Variants in CERS6 observed in about 807,000 individuals in gnomAD.
CERS6 encodes the protein LAG1 homolog, ceramide synthase 6.
In CERS6, 26 loss-of-function variants were observed where a neutral mutation model predicts 56.8. That is an observed-to-expected ratio of 0.46 (90% CI 0.34 to 0.63). CERS6 has a LOEUF of 0.63. Ranked by LOEUF, CERS6 falls within the 30% of genes least tolerant of loss-of-function variation. The pLI is 0.01. For missense variants in CERS6, 415 were observed against 467.5 expected (o/e 0.89, Z 1.04); for synonymous variants, 164 against 173.3 (o/e 0.95, Z 0.42).
intron 4 of CERS6, among the ~76,000 whole-genome samples, chr2:168,645,109 AAAAAAAAAT>A (rs1559034002): frequency 2.2e-4 from 15 of 67,332 alleles, no homozygotes; most frequent in African/African-American, 8.4e-4. Flanking sequence ...AAAAAAAAAA[AAAAAAAAAT>A]ATATATATAT....
At chr2:168,479,283 A>T (rs995070185) in intron 1 of CERS6, among the ~76,000 whole-genome samples, 1 of 152,124 alleles carries the variant, frequency 6.6e-6, no homozygotes, top group African/African-American at 2.4e-5. Context: ...ATTTTTATTT[A>T]TTCCATTTTA....
At chr2:168,692,135 T>C (rs1340431177) in intron 5 of CERS6, among the ~76,000 whole-genome samples, 1 of 152,130 alleles carries the variant, frequency 6.6e-6, no homozygotes, top group East Asian at 1.9e-4. Context: ...GAAAACACTA[T>C]AAATAAGCAA....
At chr2:168,575,689 G>C (rs1267969128) in intron 3 of CERS6, among the ~76,000 whole-genome samples, 1 of 152,122 alleles carries the variant, frequency 6.6e-6, no homozygotes, top group Non-Finnish European at 1.5e-5. Flanking sequence ...GGCCTTCTCT[G>C]TGTGGACTCC....
At chr2:168,698,236 G>GAAAAAAA (rs1214508784) in intron 6 of CERS6, among the ~76,000 whole-genome samples, 2 of 124,962 alleles carry the variant, frequency 1.6e-5, no homozygotes, top group African/African-American at 3.6e-5. Context: ...TGTCTCACAG[G>GAAAAAAA]AAAAAAAAAA....
At chr2:168,708,384 A>C (rs1687010285) in intron 6 of CERS6, among the ~76,000 whole-genome samples, 1 of 152,212 alleles carries the variant, frequency 6.6e-6, no homozygotes, top group African/African-American at 2.4e-5. Flanking sequence ...ATCCCTAAAA[A>C]GAAAAGCATG....
intron 1 of CERS6, among the ~76,000 whole-genome samples, chr2:168,478,944 G>A (rs1007168013): frequency 2.0e-5 from 3 of 151,978 alleles, no homozygotes; most frequent in Non-Finnish European, 4.4e-5. Flanking sequence ...TTAAATTTTT[G>A]AGCCATCTTG....
intron 4 of CERS6, among the ~76,000 whole-genome samples, chr2:168,666,259 A>G (rs1356344387): frequency 6.6e-6 from 1 of 152,094 alleles, no homozygotes; most frequent in Non-Finnish European, 1.5e-5. Context: ...ATCCACCATT[A>G]CACTGTCATG....
At chr2:168,695,516 C>G (rs1166247926) in intron 6 of CERS6, among the ~76,000 whole-genome samples, 1 of 152,164 alleles carries the variant, frequency 6.6e-6, no homozygotes, top group African/African-American at 2.4e-5. Context: ...TTCCACCTAT[C>G]CCCTCCACTG....
intron 2 of CERS6, 82 bp from the exon 3 acceptor site, chr2:168,561,110 T>C: frequency 6.8e-7 from 1 of 1,467,464 alleles, no homozygotes; most frequent in Non-Finnish European, 9.3e-7. Flanking sequence ...AAAAAACCTC[T>C]CAGATATAGA....
intron 4 of CERS6, among the ~76,000 whole-genome samples, chr2:168,636,159 G>C (rs1327737849): frequency 6.6e-6 from 1 of 151,922 alleles, no homozygotes; most frequent in Non-Finnish European, 1.5e-5. Context: ...ACTAACATTG[G>C]GAAGGGACCC....
rs1273795613 is a variant in CERS6 at position 168,626,658 on chromosome 2, CTGTAGAATTT to C, written c.408-4326_408-4317del. Among the ~76,000 whole-genome samples the C allele has an allele frequency of 2.6e-5, 4 of 152,156 alleles. 1 individual carries two copies. Among genetic ancestry groups the C allele is most frequent in the African/African-American group, 7.2e-5 (3 of 41,426 alleles). On this transcript the variant is annotated intron_variant, in intron 3 of 9. Transcript: ENST00000305747. Reference sequence around the variant, plus strand: ...CTAGGCAAAGCAGGGTGCTCTAATTCTGTAGAATTTGAGAGAGGGCTTTAGAGTCACTGCT... The same window carrying C: ...CTAGGCAAAGCAGGGTGCTCTAATTCGAGAGAGGGCTTTAGAGTCACTGCT...
Position 168,760,359 on chromosome 2 carries a change from C to G in CERS6, c.846-5233C>G, listed in dbSNP as rs567573840. On this transcript the variant is annotated intron_variant, in intron 8 of 9. Transcript: ENST00000305747. The stretch of plus-strand genomic sequence containing the variant: ...GTGGGCTGGGAGACTAGGCCAGTCT[C>G]GCGTTTCCCATGTTTCTGCCTGCTT... Among the ~76,000 whole-genome samples, 10 of 152,210 alleles carry G rather than the reference C, an allele frequency of 6.6e-5. No homozygotes were observed. In the South Asian group the frequency reaches 1.7e-3, roughly 25 times the overall value.
intron 1 of CERS6, among the ~76,000 whole-genome samples, chr2:168,483,696 C>T (rs1418548459): frequency 6.6e-6 from 1 of 152,170 alleles, no homozygotes; most frequent in African/African-American, 2.4e-5. Flanking sequence ...CTTTGAATCC[C>T]TGGGGATTGA....
chr2:168,576,567 AT>A (rs1483248659), intron 3 of CERS6, among the ~76,000 whole-genome samples: 1 of 152,072 alleles, frequency 6.6e-6, no homozygotes, highest in Non-Finnish European at 1.5e-5. Context: ...AGTTCTCTTA[AT>A]TTTTTTGTTT....
chr2:168,706,135 G>A (rs1447800190), intron 6 of CERS6, among the ~76,000 whole-genome samples: 1 of 152,190 alleles, frequency 6.6e-6, no homozygotes, highest in African/African-American at 2.4e-5. Context: ...TACATCATTT[G>A]AAAGCAGAGT....
At chr2:168,528,874 G>C (rs981449978) in intron 1 of CERS6, among the ~76,000 whole-genome samples, 8 of 152,316 alleles carry the variant, frequency 5.3e-5, no homozygotes, top group East Asian at 1.9e-4. Flanking sequence ...GAAATTAAGA[G>C]AATTGAAAGT....
intron 1 of CERS6, among the ~76,000 whole-genome samples, chr2:168,470,717 G>C (rs1364477365): frequency 7.3e-6 from 1 of 136,092 alleles, no homozygotes; most frequent in African/African-American, 2.5e-5. Flanking sequence ...AACAAAAACA[G>C]ATATGCAGGT....
intron 3 of CERS6, among the ~76,000 whole-genome samples, chr2:168,571,388 G>T (rs951389489): frequency 5.9e-5 from 9 of 152,090 alleles, no homozygotes; most frequent in Admixed American, 2.6e-4. Context: ...TTGGCGCATT[G>T]CACATGGCTC....
At chr2:168,730,586 C>G (rs1387074499) in intron 8 of CERS6, among the ~76,000 whole-genome samples, 1 of 152,144 alleles carries the variant, frequency 6.6e-6, no homozygotes, top group African/African-American at 2.4e-5. Flanking sequence ...GTGAGTCATC[C>G]CCAGCCACCC....
Sources: allele counts gnomAD v4.1 joint callset (sites outside exome capture counted in the v4.1 genomes callset), GRCh38; gene constraint gnomAD v4.1.1; transcripts MANE v1.5; gene names NCBI Gene and HGNC (gene_info 2026-07-23, HGNC 2026-07-21).